The following RPTOR variants were observed in gnomAD, a reference collection of about 807,000 sequenced individuals.
RPTOR encodes regulatory associated protein of MTOR complex 1, also known as regulatory-associated protein of mTOR.
In RPTOR, 21 loss-of-function variants were observed where a neutral mutation model predicts 169.9. That is an observed-to-expected ratio of 0.12 (90% CI 0.09 to 0.18). RPTOR has a LOEUF of 0.18. Among genes scored for constraint, RPTOR ranks in the 10% least tolerant of loss-of-function variants. The pLI, the probability that RPTOR is intolerant of heterozygous loss-of-function variation, is 1.00. For missense variants in RPTOR, 1,133 were observed against 1,855.9 expected (o/e 0.61, Z 7.16); for synonymous variants, 732 against 753.2 (o/e 0.97, Z 0.46).
intron 3 of RPTOR, among the ~76,000 whole-genome samples, chr17:80,667,078 G>A (rs1298901555): frequency 1.3e-5 from 2 of 152,188 alleles, no homozygotes; most frequent in Non-Finnish European, 2.9e-5. Context: ...GGAGGAAGGC[G>A]TTCCCGTCTC....
intron 5 of RPTOR, among the ~76,000 whole-genome samples, chr17:80,743,753 GGCTA>G (rs2066513035): frequency 6.5e-5 from 9 of 139,478 alleles, no homozygotes; most frequent in Admixed American, 2.1e-4. Flanking sequence ...GCAGAGCCCT[GGCTA>G]CTAGCACTCT....
chr17:80,843,618 A>G (rs535418730), intron 10 of RPTOR, among the ~76,000 whole-genome samples: 1 of 152,198 alleles, frequency 6.6e-6, no homozygotes, highest in South Asian at 2.1e-4. Context: ...AGAGCCGTAC[A>G]GAGGGGTAGA....
chr17:80,580,806 T>C (rs1031757871), intron 1 of RPTOR, among the ~76,000 whole-genome samples: 1 of 152,122 alleles, frequency 6.6e-6, no homozygotes, highest in Non-Finnish European at 1.5e-5. Flanking sequence ...ATTTTTATTT[T>C]TTGTAGATAC....
chr17:80,809,028 G>C (rs2067246815), intron 7 of RPTOR, among the ~76,000 whole-genome samples: 1 of 152,200 alleles, frequency 6.6e-6, no homozygotes, highest in African/African-American at 2.4e-5. Flanking sequence ...ATAAATACCG[G>C]AGAGTGAATT....
At chr17:80,696,296 A>G (rs1486287950) in intron 3 of RPTOR, among the ~76,000 whole-genome samples, 1 of 152,208 alleles carries the variant, frequency 6.6e-6, no homozygotes, top group African/African-American at 2.4e-5. Context: ...AATATTGAAA[A>G]CATTTAAAGA....
At chr17:80,781,329 G>A (rs747448896) in intron 6 of RPTOR, among the ~76,000 whole-genome samples, 7 of 152,108 alleles carry the variant, frequency 4.6e-5, no homozygotes, top group Non-Finnish European at 1.0e-4. Context: ...CTTTGCCTTC[G>A]GTTCCCTCAT....
chr17:80,699,312 G>A (rs1409286895), intron 3 of RPTOR, among the ~76,000 whole-genome samples: 1 of 152,072 alleles, frequency 6.6e-6, no homozygotes, highest in Non-Finnish European at 1.5e-5. Flanking sequence ...CTGGTGCAGT[G>A]ATGGGGAGCT....
chr17:80,595,711 C>T (rs2065139840), intron 1 of RPTOR, among the ~76,000 whole-genome samples: 1 of 152,228 alleles, frequency 6.6e-6, no homozygotes. Flanking sequence ...CCAACTTCGG[C>T]CTCCCAAAGT....
rs1315527960 is a variant in RPTOR, at chr17:80,959,376, G to A, written c.3478-702G>A. On this transcript the variant is annotated intron_variant, in intron 29 of 33. Transcript: ENST00000306801. The surrounding 1 kb of genome is among the most constrained non-coding windows in gnomAD (Gnocchi z 6.7). Reference sequence around the variant, plus strand: ...GGCAGGTGCTGTTCCTGCAGAGGTGGGTGGAGGCACAGAGCGCAGCAGGTG... The same window carrying A: ...GGCAGGTGCTGTTCCTGCAGAGGTGAGTGGAGGCACAGAGCGCAGCAGGTG... Among the ~76,000 whole-genome samples the A allele has an allele frequency of 1.3e-5, 2 of 152,174 alleles. No homozygotes were observed. The highest frequency in any genetic ancestry group is 4.8e-5 in the African/African-American group (2 of 41,446).
At chr17:80,652,050 G>A (rs949429705) in intron 3 of RPTOR, among the ~76,000 whole-genome samples, 1 of 150,504 alleles carries the variant, frequency 6.6e-6, no homozygotes, top group Non-Finnish European at 1.5e-5. Context: ...GGTGCCTGTA[G>A]TCCCAGCTAT....
chr17:80,705,524 G>A (rs576396449), intron 3 of RPTOR, among the ~76,000 whole-genome samples: 1 of 152,292 alleles, frequency 6.6e-6, no homozygotes, highest in Non-Finnish European at 1.5e-5. Context: ...AGAATACCAA[G>A]AGGTTTTATG....
Position 80,586,655 on chromosome 17 carries a change from G to A in RPTOR, c.163-39036G>A, listed in dbSNP as rs1047635419. On this transcript the variant is annotated intron_variant, in intron 1 of 33. Coordinates refer to ENST00000306801, the MANE Select transcript of RPTOR (RefSeq NM_020761.3). ...GGGGCCTGTGGTTCAGCTGCCAGGCGGGAACTGAAGAGCAGCCCCGGGCGC... is the reference window on the plus strand; with the variant it reads ...GGGGCCTGTGGTTCAGCTGCCAGGCAGGAACTGAAGAGCAGCCCCGGGCGC... Among the ~76,000 whole-genome samples the A allele has an allele frequency of 3.9e-5, 6 of 152,158 alleles. No individual in the cohort carries two copies. The South Asian group carries it at 1.0e-3, about 26-fold the overall frequency.
chr17:80,567,636 A>G (rs1334705158), intron 1 of RPTOR, among the ~76,000 whole-genome samples: 3 of 151,414 alleles, frequency 2.0e-5, no homozygotes, highest in African/African-American at 7.3e-5. Context: ...TAAAAATACA[A>G]AAAAAATTAG....
At chr17:80,658,949 TG>T (rs1316313596) in intron 3 of RPTOR, among the ~76,000 whole-genome samples, 4 of 152,142 alleles carry the variant, frequency 2.6e-5, no homozygotes, top group African/African-American at 9.7e-5. Flanking sequence ...ATCTTTGAAA[TG>T]GGGGGTGTGT....
intron 1 of RPTOR, among the ~76,000 whole-genome samples, chr17:80,566,616 C>T (rs868339725): frequency 6.6e-6 from 1 of 151,430 alleles, no homozygotes; most frequent in African/African-American, 2.4e-5. Context: ...GTCAGGAGAT[C>T]GAGATCATCC....
chr17:80,848,547 C>T (rs894121355), intron 11 of RPTOR, among the ~76,000 whole-genome samples: 2 of 152,234 alleles, frequency 1.3e-5, no homozygotes, highest in East Asian at 1.9e-4. Flanking sequence ...GTTTTCCCTT[C>T]GTGCGACTGT....
chr17:80,929,007 G>A (rs534338747), intron 24 of RPTOR, among the ~76,000 whole-genome samples: 525 of 152,282 alleles, frequency 3.4e-3, no homozygotes, highest in Non-Finnish European at 5.8e-3. Flanking sequence ...CCTGCTAGGA[G>A]GCATATATTC....
intron 6 of RPTOR, among the ~76,000 whole-genome samples, chr17:80,766,832 C>T (rs1412591785): frequency 7.2e-6 from 1 of 138,490 alleles, no homozygotes; most frequent in Non-Finnish European, 1.6e-5. Flanking sequence ...TTCTTTAAGT[C>T]CAGAAAAAAA....
intron 1 of RPTOR, among the ~76,000 whole-genome samples, chr17:80,594,148 C>T (rs1480274150): frequency 6.6e-6 from 1 of 152,070 alleles, no homozygotes; most frequent in East Asian, 1.9e-4. Context: ...GGCTGCAGTG[C>T]AGTGGTGCGA....
Sources: allele counts gnomAD v4.1 joint callset (sites outside exome capture counted in the v4.1 genomes callset), GRCh38; gene constraint gnomAD v4.1.1; non-coding constraint Gnocchi (gnomAD v3.1); transcripts MANE v1.5; gene names NCBI Gene and HGNC (gene_info 2026-07-23, HGNC 2026-07-21).